WDPCP: variants seen among roughly 807,000 people sequenced by gnomAD.
The protein encoded by WDPCP is WD repeat containing planar cell polarity effector, also known as WD repeat-containing and planar cell polarity effector protein fritz homolog.
Under a neutral mutation model 93.1 loss-of-function variants are expected in WDPCP, and 71 were observed. That is an observed-to-expected ratio of 0.76 (90% CI 0.63 to 0.93). The LOEUF is 0.93. Among genes scored for constraint, WDPCP ranks in the 40% least tolerant of loss-of-function variants. The pLI, the probability that WDPCP is intolerant of heterozygous loss-of-function variation, is 0.00. For synonymous variants in WDPCP, 315 were observed against 315.0 expected, an observed-to-expected ratio of 1.00 and a Z score of 0.00; for missense variants, 844 against 887.4, an observed-to-expected ratio of 0.95 and a Z score of 0.62.
rs1292043367 is a variant in WDPCP at position 63,575,529 on chromosome 2, T to C, written c.75+12668A>G. On this transcript the variant is annotated intron_variant, in intron 1 of 17. Coordinates refer to ENST00000272321, the MANE Select transcript of WDPCP (RefSeq NM_015910.7). ...TACACTGTATATATAGTATATACAG[T>C]ATATACACTGTATATATAGTATATA... Among the ~76,000 whole-genome samples, 7 of 135,362 alleles carry C rather than the reference T, an allele frequency of 5.2e-5. 2 individuals carry two copies. Among genetic ancestry groups the C allele is most frequent in the African/African-American group, 8.4e-5 (3 of 35,632 alleles). The allele number at this position is 135,362 out of a possible 152,430, so 88.8% of individuals were successfully genotyped here.
rs1676487898 is a variant in WDPCP at position 63,208,219 on chromosome 2, A to G, written c.1916-33387T>C. Among the ~76,000 whole-genome samples, 4 of 152,088 alleles carry G rather than the reference A, an allele frequency of 2.6e-5. No homozygotes were observed. In the South Asian group the frequency reaches 6.2e-4, roughly 24 times the overall value. ...TGCTTTCATTGTTGATAGGGAAATT[A>G]TTATTCTTATTCTGTTTTTCAAATG... On this transcript the variant is annotated intron_variant, in intron 14 of 17. Coordinates refer to ENST00000272321, the MANE Select transcript of WDPCP (RefSeq NM_015910.7).
At chr2:63,746,303 C>T (rs111743389) in intron 2 of WDPCP, among the ~76,000 whole-genome samples, 3,809 of 152,214 alleles carry the variant, frequency 0.025, 45 homozygotes, top group East Asian at 0.035. Context: ...CTGTCATCTT[C>T]GTAAGCTGAG....
upstream of WDPCP, chr2:63,588,841 T>C: frequency 1.6e-6 from 1 of 637,282 alleles, no homozygotes; most frequent in Non-Finnish European, 2.7e-6. Context: ...GGAAGTGTAG[T>C]TCAACACTTG....
chr2:63,388,640 T>C (rs946411022), intron 10 of WDPCP, among the ~76,000 whole-genome samples: 1 of 152,128 alleles, frequency 6.6e-6, no homozygotes, highest in African/African-American at 2.4e-5. Context: ...ACGAGGAAGC[T>C]AAAAACCTTG....
intron 13 of WDPCP, among the ~76,000 whole-genome samples, chr2:63,274,127 T>TA (rs901393714): frequency 2.6e-5 from 4 of 152,060 alleles, no homozygotes; most frequent in African/African-American, 9.6e-5. Context: ...CAACAAATTT[T>TA]AAAAAAATCG....
intron 3 of WDPCP, among the ~76,000 whole-genome samples, chr2:63,636,028 A>G (rs1463781910): frequency 6.6e-6 from 1 of 152,234 alleles, no homozygotes; most frequent in Non-Finnish European, 1.5e-5. Flanking sequence ...GAAAATCAAC[A>G]TATTAATATC....
chr2:63,242,273 T>C (rs1679914832), intron 14 of WDPCP, among the ~76,000 whole-genome samples: 1 of 152,214 alleles, frequency 6.6e-6, no homozygotes, highest in African/African-American at 2.4e-5. Flanking sequence ...AGATCATATA[T>C]GATAAATGTA....
chr2:63,262,029 A>T (rs988521146), intron 13 of WDPCP, among the ~76,000 whole-genome samples: 2 of 152,166 alleles, frequency 1.3e-5, no homozygotes, highest in African/African-American at 4.8e-5. Context: ...AGATCCTTAT[A>T]TTCAGAGAAG....
intron 2 of WDPCP, among the ~76,000 whole-genome samples, chr2:63,739,873 A>G (rs1046671514): frequency 6.6e-6 from 1 of 151,998 alleles, no homozygotes; most frequent in African/African-American, 2.4e-5. Flanking sequence ...GGCCACATGT[A>G]TACCTTCTTT....
chr2:63,761,804 C>T (rs974911468), intron 2 of WDPCP, among the ~76,000 whole-genome samples: 29 of 152,212 alleles, frequency 1.9e-4, no homozygotes, highest in African/African-American at 6.8e-4. Flanking sequence ...CTCACAGACA[C>T]ACCCAGGATC....
chr2:63,251,239 A>G (rs910341412), intron 14 of WDPCP, among the ~76,000 whole-genome samples: 1 of 152,162 alleles, frequency 6.6e-6, no homozygotes, highest in South Asian at 2.1e-4. Context: ...ATAACAAAGG[A>G]AAAAAGGATG....
intron 14 of WDPCP, among the ~76,000 whole-genome samples, chr2:63,224,883 A>G (rs1238929581): frequency 1.3e-5 from 2 of 151,926 alleles, no homozygotes; most frequent in Non-Finnish European, 2.9e-5. Flanking sequence ...ATGTAAATTA[A>G]ATTATTATTC....
intron 6 of WDPCP, among the ~76,000 whole-genome samples, chr2:63,483,690 T>TA (rs1478929187): frequency 6.6e-6 from 1 of 151,926 alleles, no homozygotes; most frequent in South Asian, 2.1e-4. Context: ...AATCACATTG[T>TA]AAAAAAGAAT....
At chr2:63,495,839 T>C (rs1245581016) in intron 1 of WDPCP, among the ~76,000 whole-genome samples, 3 of 152,160 alleles carry the variant, frequency 2.0e-5, no homozygotes, top group Non-Finnish European at 2.9e-5. Context: ...TATGGTAATC[T>C]CACAGTATGA....
At chr2:63,132,880 T>G (rs1373495498) in intron 17 of WDPCP, among the ~76,000 whole-genome samples, 4 of 152,190 alleles carry the variant, frequency 2.6e-5, no homozygotes, top group Admixed American at 6.5e-5. Flanking sequence ...TTTATTATTA[T>G]TATTGAATGG....
At chr2:63,594,777 T>C (rs1709273383) in intron 3 of WDPCP, 2 of 505,722 alleles carry the variant, frequency 4.0e-6, no homozygotes, top group Non-Finnish European at 7.1e-6. Context: ...GAAAACACTT[T>C]GCAAATGAGA....
intron 13 of WDPCP, among the ~76,000 whole-genome samples, chr2:63,282,744 T>C (rs1191488364): frequency 1.3e-5 from 2 of 152,128 alleles, no homozygotes; most frequent in Non-Finnish European, 2.9e-5. Context: ...CTAAATGAAC[T>C]TAGTAGTATA....
At chr2:63,180,922 T>C (rs576270012) in intron 14 of WDPCP, among the ~76,000 whole-genome samples, 3 of 152,256 alleles carry the variant, frequency 2.0e-5, no homozygotes, top group African/African-American at 7.2e-5. Flanking sequence ...TTTCTCTGAT[T>C]GTGAGTGATG....
chr2:63,180,538 G>A (rs1038035534), intron 14 of WDPCP, among the ~76,000 whole-genome samples: 4 of 152,130 alleles, frequency 2.6e-5, no homozygotes, highest in Non-Finnish European at 5.9e-5. Context: ...TGGCTGAGTA[G>A]TATTCCATTG....
Sources: gnomAD v4.1 joint callset for allele counts (sites outside exome capture counted in the v4.1 genomes callset) on GRCh38, gnomAD v4.1.1 for gene constraint, MANE v1.5 for transcripts, NCBI Gene and HGNC (gene_info 2026-07-23, HGNC 2026-07-21) for gene names.